The following PRKCA variants were observed in gnomAD, a reference collection of about 807,000 sequenced individuals.
The protein encoded by PRKCA is protein kinase C alpha, also known as protein kinase C alpha type.
PRKCA carries 27 observed loss-of-function variants against 87.0 expected under a neutral mutation model. The observed-to-expected ratio is 0.31, with a 90% confidence interval of 0.23 to 0.43. The LOEUF is 0.43. Ranked by LOEUF, PRKCA falls within the 20% of genes least tolerant of loss-of-function variation. PRKCA has a pLI of 1.00. For synonymous variants in PRKCA, 329 were observed against 311.1 expected (o/e 1.06, Z -0.61); for missense variants, 518 against 852.3 (o/e 0.61, Z 4.88).
chr17:66,379,880 T>C (rs1909686691), intron 2 of PRKCA, among the ~76,000 whole-genome samples: 1 of 152,124 alleles, frequency 6.6e-6, no homozygotes, highest in African/African-American at 2.4e-5. Flanking sequence ...TTCGAGTTAA[T>C]TTTTGAGGTC....
rs372581189 is a variant in PRKCA, at chr17:66,476,445, G to A, written c.206-19756G>A. ...GCTTGGGCTCAGAGGGAGGCCGTGA[G>A]GAGCCCCGAGAGAATGCCAGCCAAG... On this transcript the variant is annotated intron_variant, in intron 2 of 16. Transcript: ENST00000413366. Among the ~76,000 whole-genome samples, 26 of 152,288 alleles carry A rather than the reference G, an allele frequency of 1.7e-4. No individual in the cohort carries two copies. In the East Asian group the frequency reaches 5.0e-3, roughly 29 times the overall value.
chr17:66,342,472 AATAATAATAAT>A (rs1401935188), intron 2 of PRKCA, among the ~76,000 whole-genome samples: 6 of 145,092 alleles, frequency 4.1e-5, no homozygotes, highest in African/African-American at 1.5e-4. Context: ...TAATAATAAT[AATAATAATAAT>A]AAATTCAGAG....
Position 66,587,783 on chromosome 17 carries a change from ATG to A in PRKCA, c.289-53570_289-53569del, listed in dbSNP as rs200221874. On this transcript the variant is annotated intron_variant, in intron 3 of 16. Coordinates refer to ENST00000413366, the MANE Select transcript of PRKCA (RefSeq NM_002737.3). ...TACATATATACGTATATGTGTGTAT[ATG>A]TATACATATATACGTATATGTGTGT... Among the ~76,000 whole-genome samples, 8 of 103,318 alleles carry A rather than the reference ATG, an allele frequency of 7.7e-5. 2 individuals carry two copies. The highest frequency in any genetic ancestry group is 1.7e-4 in the Non-Finnish European group (8 of 48,256). 67.8% of individuals were successfully genotyped at this position (103,318 alleles called of 152,430 possible). A position where few individuals can be genotyped will look rare whatever the true frequency, so the allele number is the denominator to read the frequency against.
chr17:66,521,379 A>C (rs1967155787), intron 3 of PRKCA, among the ~76,000 whole-genome samples: 3 of 152,240 alleles, frequency 2.0e-5, no homozygotes, highest in Non-Finnish European at 2.9e-5. Flanking sequence ...TTCAGCATCC[A>C]GAGGCAAACT....
rs529556100 is a variant in PRKCA at position 66,667,740 on chromosome 17, C to G, written c.530-19371C>G. ...TGCCATGAGAACTGATGGTAGGCAGCTTAGATGTGAAGTGAGTGGCCAAGA... is the reference window on the plus strand; with the variant it reads ...TGCCATGAGAACTGATGGTAGGCAGGTTAGATGTGAAGTGAGTGGCCAAGA... On this transcript the variant is annotated intron_variant, in intron 5 of 16. Coordinates refer to ENST00000413366, the MANE Select transcript of PRKCA (RefSeq NM_002737.3). Among the ~76,000 whole-genome samples, 193 of 152,286 alleles carry G rather than the reference C, an allele frequency of 1.3e-3. 1 individual carries two copies. The highest frequency in any genetic ancestry group is 4.6e-3 in the African/African-American group (192 of 41,556).
chr17:66,622,090 G>A (rs1368342532), intron 3 of PRKCA, among the ~76,000 whole-genome samples: 8 of 152,124 alleles, frequency 5.3e-5, no homozygotes, highest in Admixed American at 2.0e-4. Flanking sequence ...TCAGGAAGCT[G>A]AGGCAGGAGG....
chr17:66,451,343 A>AATTAATTAATTT (rs146230545), intron 2 of PRKCA, among the ~76,000 whole-genome samples: 57 of 144,958 alleles, frequency 3.9e-4, no homozygotes, highest in South Asian at 1.1e-3. Flanking sequence ...ACGGAGTTAG[A>AATTAATTAATTT]ATTTATTTAT....
chr17:66,641,731 T>G (rs1971302425), intron 4 of PRKCA, among the ~76,000 whole-genome samples: 1 of 151,928 alleles, frequency 6.6e-6, no homozygotes, highest in Non-Finnish European at 1.5e-5. Context: ...TTTTTTTTTT[T>G]TAGTGGCAGA....
At chr17:66,727,427 G>A (rs1020894728) in intron 8 of PRKCA, among the ~76,000 whole-genome samples, 3 of 152,020 alleles carry the variant, frequency 2.0e-5, no homozygotes, top group South Asian at 2.1e-4. Context: ...TGGAACGGCC[G>A]TGGCACTGGT....
chr17:66,518,676 A>C (rs191919237), intron 3 of PRKCA, among the ~76,000 whole-genome samples: 32 of 152,340 alleles, frequency 2.1e-4, no homozygotes, highest in African/African-American at 7.7e-4. Context: ...ACATTTAAAA[A>C]TAGTCACATC....
intron 2 of PRKCA, among the ~76,000 whole-genome samples, chr17:66,474,125 G>A (rs773605028): frequency 5.3e-5 from 8 of 151,998 alleles, no homozygotes; most frequent in African/African-American, 1.2e-4. Context: ...TACTCTTATC[G>A]TTGATCCTTA....
At chr17:66,714,998 T>G (rs958026450) in intron 8 of PRKCA, among the ~76,000 whole-genome samples, 2 of 152,218 alleles carry the variant, frequency 1.3e-5, no homozygotes, top group African/African-American at 4.8e-5. Context: ...GGAAATATTG[T>G]GCTAAATTTA....
chr17:66,731,193 A>T (rs1490361236), intron 8 of PRKCA, among the ~76,000 whole-genome samples: 1 of 152,026 alleles, frequency 6.6e-6, no homozygotes, highest in Non-Finnish European at 1.5e-5. Flanking sequence ...TCTACTAAAC[A>T]TACAAAAAAA....
intron 13 of PRKCA, among the ~76,000 whole-genome samples, chr17:66,764,108 T>C (rs574764127): frequency 2.0e-5 from 3 of 152,166 alleles, no homozygotes; most frequent in Non-Finnish European, 4.4e-5. Context: ...CTCTGTAACA[T>C]TGGACAAGCT....
intron 13 of PRKCA, among the ~76,000 whole-genome samples, chr17:66,747,445 C>CCA (rs1974320164): frequency 6.6e-6 from 1 of 152,196 alleles, no homozygotes; most frequent in Admixed American, 6.5e-5. Flanking sequence ...CTACGTTAGA[C>CCA]CACACACAAA....
At chr17:66,440,575 A>G (rs1405783827) in intron 2 of PRKCA, among the ~76,000 whole-genome samples, 3 of 152,172 alleles carry the variant, frequency 2.0e-5, no homozygotes, top group Non-Finnish European at 4.4e-5. Flanking sequence ...GCAGTGAGTG[A>G]CAGGCAGGAG....
chr17:66,559,569 A>C (rs537677663), intron 3 of PRKCA, among the ~76,000 whole-genome samples: 74 of 150,886 alleles, frequency 4.9e-4, no homozygotes, highest in African/African-American at 1.5e-3. Context: ...TGAGTTATTC[A>C]TACAAAGACA....
At chr17:66,715,520 G>A (rs1011311400) in intron 8 of PRKCA, among the ~76,000 whole-genome samples, 1 of 152,178 alleles carries the variant, frequency 6.6e-6, no homozygotes, top group Non-Finnish European at 1.5e-5. Flanking sequence ...GTGGCTTGCA[G>A]AGTCTGCACC....
intron 3 of PRKCA, among the ~76,000 whole-genome samples, chr17:66,636,210 C>T (rs777782631): frequency 2.0e-5 from 3 of 152,150 alleles, no homozygotes; most frequent in Admixed American, 6.5e-5. Context: ...GTTTTTAGGA[C>T]GAGTTGCTCT....
Sources: allele counts gnomAD v4.1 joint callset (sites outside exome capture counted in the v4.1 genomes callset), GRCh38; gene constraint gnomAD v4.1.1; transcripts MANE v1.5; gene names NCBI Gene and HGNC (gene_info 2026-07-23, HGNC 2026-07-21).